HMCN1: variants seen among roughly 807,000 people sequenced by gnomAD.
The protein encoded by HMCN1 is hemicentin-1.
In HMCN1, 321 loss-of-function variants were observed where a neutral mutation model predicts 625.9. The observed-to-expected ratio is 0.51, with a 90% CI of 0.47 to 0.56. The LOEUF (loss-of-function observed/expected upper bound fraction) is 0.56, where lower values mean the gene tolerates loss of function less well. Ranked by LOEUF, HMCN1 falls within the 20% of genes least tolerant of loss-of-function variation. The probability of loss-of-function intolerance (pLI) is 0.00; values close to 1 mark genes in which losing one functional copy is unlikely to be tolerated. For synonymous variants in HMCN1, 2,425 were observed against 2,417.6 expected (o/e 1.00, Z -0.09); for missense variants, 6,588 against 6,887.3 (o/e 0.96, Z 1.54).
chr1:185,807,999 A>T (rs963361856), intron 1 of HMCN1, among the ~76,000 whole-genome samples: 1 of 152,152 alleles, frequency 6.6e-6, no homozygotes, highest in African/African-American at 2.4e-5. Flanking sequence ...AATAATTTTT[A>T]AAATAATTAA....
chr1:185,892,646 C>A (rs1307865776), intron 4 of HMCN1, among the ~76,000 whole-genome samples: 1 of 152,210 alleles, frequency 6.6e-6, no homozygotes. Context: ...CAGGGACCCA[C>A]TTGAGGAGGC....
intron 18 of HMCN1, 139 bp downstream of exon 18, chr1:185,982,528 C>A: frequency 2.6e-6 from 2 of 766,170 alleles, no homozygotes; most frequent in East Asian, 5.4e-5. Flanking sequence ...GCAACCTCTG[C>A]CTCCTGGGTT....
intron 63 of HMCN1, 118 bp from the exon 64 acceptor site, chr1:186,090,640 C>A: frequency 2.5e-6 from 3 of 1,185,696 alleles, no homozygotes; most frequent in Non-Finnish European, 3.7e-6. Flanking sequence ...ATAGTTTGAC[C>A]TTGAACCATA....
rs1255582237 is a variant in HMCN1, at chr1:185,911,641, TTG to T, written c.794-30_794-29del. 2.8e-6 allele frequency: 4 copies of T among 1,409,608 alleles called. No individual in the cohort carries two copies. The South Asian group carries it at 4.6e-5, about 16-fold the overall frequency. 87.3% of individuals were successfully genotyped at this position (1,409,608 alleles called of 1,614,324 possible). On this transcript the variant is annotated intron_variant, in intron 5 of 106. Transcript: ENST00000271588. ...CTAATATACATAGCTGAGAGAAGGA[TTG>T]TGCTTGTTACCTTTATGTTCTGTCT...
intron 1 of HMCN1, among the ~76,000 whole-genome samples, chr1:185,784,268 A>G (rs2047222219): frequency 6.6e-6 from 1 of 152,176 alleles, no homozygotes. Flanking sequence ...TCCCTTGGCT[A>G]GGAAAGGGAA....
intron 7 of HMCN1, among the ~76,000 whole-genome samples, chr1:185,922,882 G>A (rs1436766243): frequency 6.6e-6 from 1 of 152,068 alleles, no homozygotes; most frequent in African/African-American, 2.4e-5. Context: ...ATTACCTATT[G>A]TCAAGGTAAA....
At chr1:185,864,728 A>G in intron 3 of HMCN1, 100 bp downstream of exon 3, 1 of 1,028,556 alleles carries the variant, frequency 9.7e-7, no homozygotes, top group Non-Finnish European at 1.5e-6. Flanking sequence ...AACAATAATT[A>G]TAACTATCTA....
chr1:185,974,952 T>C (rs547316235), intron 15 of HMCN1, among the ~76,000 whole-genome samples: 1 of 152,312 alleles, frequency 6.6e-6, no homozygotes, highest in East Asian at 1.9e-4. Flanking sequence ...AAAATTGAAA[T>C]CTGCCTTCAT....
intron 100 of HMCN1, among the ~76,000 whole-genome samples, chr1:186,171,057 G>T (rs1652200354): frequency 6.6e-6 from 1 of 152,194 alleles, no homozygotes; most frequent in Admixed American, 6.5e-5. Context: ...AGAAACAGGA[G>T]TGAGAGCCAT....
At chr1:186,033,395 C>T (rs534774459) in intron 36 of HMCN1, among the ~76,000 whole-genome samples, 75 of 152,200 alleles carry the variant, frequency 4.9e-4, no homozygotes, top group Non-Finnish European at 8.2e-4. Context: ...CACTGAAGAA[C>T]TTATCCATGT....
At chr1:185,743,568 T>C (rs1046094150) in intron 1 of HMCN1, among the ~76,000 whole-genome samples, 1 of 152,328 alleles carries the variant, frequency 6.6e-6, no homozygotes, top group East Asian at 1.9e-4. Context: ...TTAGAACAAT[T>C]GAACTGATTT....
At position 186,090,810 on chromosome 1, in the gene HMCN1, A is replaced by G. The variant is rs907044090; in HGVS notation, c.9780A>G (p.Leu3260=). ...TTCCAAGTGATGTCAGTGTCCTTCT[A>G]GGAGAAAATGTTGAGCTGGTCTGCA... The part of the protein sequence containing the change: ...AEIPSDVSVL[L]GENVELVCNA... The change falls in exon 64 of 107, where the codon CTA becomes CTG. Residue 3260 remains leucine, a synonymous_variant. Transcript: ENST00000271588. The G allele has an allele frequency of 7.4e-6, 12 of 1,612,566 alleles. No individual in the cohort carries two copies. Among genetic ancestry groups the G allele is most frequent in the African/African-American group, 1.3e-5 (1 of 74,840 alleles).
At chr1:186,086,883 A>C (rs1428242151) in intron 58 of HMCN1, among the ~76,000 whole-genome samples, 1 of 152,006 alleles carries the variant, frequency 6.6e-6, no homozygotes, top group Non-Finnish European at 1.5e-5. Context: ...ACACCTCGGC[A>C]TTGTGGGAAA....
chr1:186,007,074 A>C, intron 29 of HMCN1, 54 bp from the exon 30 acceptor site: 2 of 1,374,444 alleles, frequency 1.5e-6, no homozygotes, highest in Non-Finnish European at 2.1e-6. Context: ...GTGATAAATA[A>C]GAAATGTGAA....
intron 50 of HMCN1, among the ~76,000 whole-genome samples, chr1:186,068,317 G>A (rs116395279): frequency 1.8e-3 from 269 of 152,274 alleles, no homozygotes; most frequent in African/African-American, 6.1e-3. Flanking sequence ...AAAAAGGGTA[G>A]AAATTCATTC....
chr1:185,845,329 T>G (rs1661744283), intron 1 of HMCN1, among the ~76,000 whole-genome samples: 1 of 152,202 alleles, frequency 6.6e-6, no homozygotes, highest in African/African-American at 2.4e-5. Flanking sequence ...GCAATTCTCC[T>G]GTCTCAGCCT....
At chr1:185,830,599 A>T (rs1660798706) in intron 1 of HMCN1, among the ~76,000 whole-genome samples, 1 of 151,976 alleles carries the variant, frequency 6.6e-6, no homozygotes, top group Admixed American at 6.6e-5. Context: ...ATTGGTCTAT[A>T]TGTCTGTTTT....
chr1:186,071,691 GA>G (rs1467483396), intron 52 of HMCN1, among the ~76,000 whole-genome samples: 5 of 152,052 alleles, frequency 3.3e-5, no homozygotes, highest in East Asian at 1.9e-4. Flanking sequence ...TTGGCAGCTA[GA>G]AAAAAAGTCA....
At chr1:186,186,992 T>TCACACACACACACACACA (rs200279097) in intron 105 of HMCN1, among the ~76,000 whole-genome samples, 1 of 95,432 alleles carries the variant, frequency 1.0e-5, no homozygotes, top group Admixed American at 1.1e-4. Flanking sequence ...TCTGTCTCTG[T>TCACACACACACACACACA]CTCACACACA....
Sources: gnomAD v4.1 joint callset for allele counts (sites outside exome capture counted in the v4.1 genomes callset) on GRCh38, gnomAD v4.1.1 for gene constraint, MANE v1.5 for transcripts, NCBI Gene and HGNC (gene_info 2026-07-23, HGNC 2026-07-21) for gene names.